UROC1: variants seen among roughly 807,000 people sequenced by gnomAD.
UROC1 encodes urocanate hydratase 1, also known as urocanate hydratase.
In UROC1, 79 loss-of-function variants were observed where a neutral mutation model predicts 89.5. The observed-to-expected ratio is 0.88, with a 90% CI of 0.74 to 1.06. The LOEUF (loss-of-function observed/expected upper bound fraction) is 1.06, where lower values mean the gene tolerates loss of function less well. UROC1 is among the 50% of genes least tolerant of loss of function. The probability of loss-of-function intolerance (pLI) is 0.00; values close to 1 mark genes in which losing one functional copy is unlikely to be tolerated. For missense variants in UROC1, 885 were observed against 907.8 expected, an observed-to-expected ratio of 0.97 and a Z score of 0.32; for synonymous variants, 361 against 354.8, an observed-to-expected ratio of 1.02 and a Z score of -0.20.
At chr3:126,487,928 G>A (rs1363899573) in intron 18 of UROC1, among the ~76,000 whole-genome samples, 3 of 152,318 alleles carry the variant, frequency 2.0e-5, no homozygotes, top group South Asian at 2.1e-4. Flanking sequence ...TGAGGAAGGC[G>A]GCTGCCATTC....
rs1386209319 is a variant in UROC1, at chr3:126,500,853, C to A, written c.987G>T (p.Leu329Phe). Reference sequence around the variant, plus strand: ...CCACCAAGCACTCCCCCGTCGTGTCCAATTCGTGGACCAGGCGCTCCCTGG... The same window carrying A: ...CCACCAAGCACTCCCCCGTCGTGTCAAATTCGTGGACCAGGCGCTCCCTGG... ...VALWERLVHELDTTGECLVDL... is the reference protein window; with the variant it reads ...VALWERLVHEFDTTGECLVDL... The change falls in exon 11 of 20, where the codon TTG (leucine) becomes TTT (phenylalanine). Residue 329 changes from leucine to phenylalanine, a missense_variant. Coordinates refer to ENST00000290868, the MANE Select transcript of UROC1 (RefSeq NM_144639.3). The A allele has an allele frequency of 3.7e-6, 6 of 1,613,744 alleles. No homozygotes were observed. The African/African-American group carries it at 8.0e-5, about 22-fold the overall frequency.
At chr3:126,505,119 C>A (rs2107546280) in intron 8 of UROC1, among the ~76,000 whole-genome samples, 1 of 152,342 alleles carries the variant, frequency 6.6e-6, no homozygotes, top group African/African-American at 2.4e-5. Flanking sequence ...TGAGTGGAAG[C>A]TTTCTGAGAC....
chr3:126,483,497 A>C, intron 18 of UROC1, 29 bp from the exon 19 acceptor site: 1 of 1,598,016 alleles, frequency 6.3e-7, no homozygotes. Context: ...TTTCCAGTTC[A>C]TTCCTGGGGC....
chr3:126,499,894 C>G (rs1935874350), intron 12 of UROC1, among the ~76,000 whole-genome samples, 163 bp downstream of exon 12: 1 of 152,176 alleles, frequency 6.6e-6, no homozygotes, highest in Non-Finnish European at 1.5e-5. Context: ...CTGGCTGGGC[C>G]TCAGCATCCA....
rs112519853 is a variant in UROC1, at chr3:126,504,614, C to T, written c.814-531G>A. On this transcript the variant is annotated intron_variant, in intron 8 of 19. Transcript: ENST00000290868. The stretch of plus-strand genomic sequence containing the variant: ...AAACCAATGCCAACACTGTTGGTTA[C>T]GTGAGAAAAATAAAACCCTATTTAC... Among the ~76,000 whole-genome samples, 1,307 of 152,262 alleles carry T rather than the reference C, an allele frequency of 8.6e-3. 11 individuals are homozygous for T. The highest frequency in any genetic ancestry group is 0.012 in the Non-Finnish European group (842 of 68,018).
chr3:126,517,483 TG>T, intron 1 of UROC1, 110 bp downstream of exon 1: 1 of 1,546,590 alleles, frequency 6.5e-7, no homozygotes, highest in Non-Finnish European at 8.8e-7. Context: ...GAGTCCAGGG[TG>T]GGCGGCTGAG....
intron 14 of UROC1, among the ~76,000 whole-genome samples, chr3:126,497,032 G>T (rs1404845890): frequency 6.6e-6 from 1 of 152,184 alleles, no homozygotes; most frequent in Non-Finnish European, 1.5e-5. Context: ...AAGCCCAGGA[G>T]ACATCTGACC....
At chr3:126,483,904 A>C (rs1935451746) in intron 18 of UROC1, among the ~76,000 whole-genome samples, 1 of 152,170 alleles carries the variant, frequency 6.6e-6, no homozygotes, top group Non-Finnish European at 1.5e-5. Flanking sequence ...TTTTTTAGAG[A>C]TGGTATCTCA....
Position 126,496,112 on chromosome 3 carries a change from C to A in UROC1, c.1439-4G>T, listed in dbSNP as rs746092563. The A allele has an allele frequency of 6.2e-7, 1 of 1,612,562 alleles. No homozygotes were observed. Among genetic ancestry groups the A allele is most frequent in the Non-Finnish European group, 8.5e-7 (1 of 1,179,698 alleles). The stretch of plus-strand genomic sequence containing the variant: ...TGCAGCTTCACAGACACCTTCACTG[C>A]AGGAGAGAGGACAGCAGGCGTCAGA... On this transcript the variant is annotated splice_region_variant and splice_polypyrimidine_tract_variant and intron_variant, in intron 14 of 19. Transcript: ENST00000290868.
At chr3:126,483,298 G>A (rs1377190546) in intron 19 of UROC1, 71 bp downstream of exon 19, 24 of 1,418,748 alleles carry the variant, frequency 1.7e-5, no homozygotes, top group Non-Finnish European at 2.3e-5. Flanking sequence ...CTGTATGACA[G>A]CAAACGTGGA....
chr3:126,492,322 TG>T, intron 16 of UROC1, 95 bp downstream of exon 16: 4 of 1,198,310 alleles, frequency 3.3e-6, no homozygotes, highest in Non-Finnish European at 4.8e-6. Flanking sequence ...CAGAAGGCTG[TG>T]GGGTGCAGCC....
At chr3:126,510,842 G>C (rs201225099) in intron 1 of UROC1, 48 bp from the exon 2 acceptor site, 6 of 1,600,152 alleles carry the variant, frequency 3.7e-6, no homozygotes, top group African/African-American at 1.3e-5. Context: ...CTCCAGGCCC[G>C]GTGTTCTGAG....
chr3:126,507,665 A>G (rs1936097368), intron 6 of UROC1, 77 bp downstream of exon 6: 2 of 1,424,180 alleles, frequency 1.4e-6, no homozygotes, highest in African/African-American at 2.8e-5. Flanking sequence ...ACTTGTATTT[A>G]ATATCACCAC....
At chr3:126,510,157 C>T (rs1229142945) in intron 2 of UROC1, among the ~76,000 whole-genome samples, 1 of 152,164 alleles carries the variant, frequency 6.6e-6, no homozygotes, top group Admixed American at 6.5e-5. Flanking sequence ...ACTGCAGAAA[C>T]GCAGACTCGA....
chr3:126,515,428 C>T (rs1156524212), intron 1 of UROC1, among the ~76,000 whole-genome samples: 2 of 148,180 alleles, frequency 1.3e-5, no homozygotes, highest in Non-Finnish European at 3.0e-5. Context: ...GCACCCAACA[C>T]CTACCCTCCC....
intron 4 of UROC1, 88 bp downstream of exon 4, chr3:126,508,328 T>C: frequency 6.9e-7 from 1 of 1,453,272 alleles, no homozygotes; most frequent in East Asian, 2.3e-5. Flanking sequence ...GCCTGCATCC[T>C]GAGCTGTGGG....
chr3:126,496,220 G>A, intron 14 of UROC1, 112 bp from the exon 15 acceptor site: 1 of 1,109,374 alleles, frequency 9.0e-7, no homozygotes, highest in Non-Finnish European at 1.3e-6. Flanking sequence ...ACTGAGCTAG[G>A]ACACAAGGTG....
intron 18 of UROC1, among the ~76,000 whole-genome samples, chr3:126,485,227 A>G (rs1935484637): frequency 6.6e-6 from 1 of 152,264 alleles, no homozygotes; most frequent in Admixed American, 6.5e-5. Flanking sequence ...TTAACACTCT[A>G]CAAGCGTTCG....
At position 126,501,275 on chromosome 3, in the gene UROC1, G is replaced by T. The variant is rs1935915328; in HGVS notation, c.908C>A (p.Ala303Glu). ...LDRCIQRLREARKKKEVLSLG... is the reference protein window; with the variant it reads ...LDRCIQRLREERKKKEVLSLG... ...GCTGAGCACCTCCTTTTTTTTCCTT[G>T]CTTCCCTGGAAGGACACAAAAGCAG... The change falls in exon 10 of 20, where the codon GCA becomes GAA. Residue 303 changes from alanine (A) to glutamate (E), a missense_variant. Ala to Glu is a moderately radical substitution (Grantham distance 107). Transcript: ENST00000290868. 1 of 1,613,796 alleles carries T rather than the reference G, an allele frequency of 6.2e-7. No homozygotes were observed. Among genetic ancestry groups the T allele is most frequent in the Middle Eastern group, 1.7e-4 (1 of 6,060 alleles).
Sources: gnomAD v4.1 joint callset for allele counts (sites outside exome capture counted in the v4.1 genomes callset) on GRCh38, gnomAD v4.1.1 for gene constraint, MANE v1.5 for transcripts, NCBI Gene and HGNC (gene_info 2026-07-23, HGNC 2026-07-21) for gene names.